CRNN: variants seen among roughly 807,000 people sequenced by gnomAD.
CRNN encodes the protein cornulin.
CRNN carries 39 observed loss-of-function variants against 44.7 expected under a neutral mutation model. The observed-to-expected ratio is 0.87, with a 90% confidence interval of 0.68 to 1.14. The LOEUF is 1.14. Among genes scored for constraint, CRNN ranks in the 50% most tolerant of loss-of-function variants. The pLI is 0.00. For missense variants in CRNN, 606 were observed against 605.1 expected (o/e 1.00, Z -0.02); for synonymous variants, 240 against 231.8 (o/e 1.04, Z -0.32).
chr1:152,412,343 GCT>G, intron 1 of CRNN, 97 bp from the exon 2 acceptor site: 1 of 1,281,614 alleles, frequency 7.8e-7, no homozygotes, highest in Non-Finnish European at 1.1e-6. Context: ...TGCACGTTCA[GCT>G]CTGTTTTTAG....
At chr1:152,411,972 A>T in intron 2 of CRNN, 124 bp downstream of exon 2, 1 of 1,055,508 alleles carries the variant, frequency 9.5e-7, no homozygotes. Context: ...CACAGCTGCC[A>T]TCTGTCCCGG....
At position 152,409,739 on chromosome 1, in the gene CRNN, C is replaced by G. The variant is rs1245566597; in HGVS notation, c.1343G>C (p.Arg448Thr). 2.5e-6 allele frequency: 4 copies of G among 1,614,108 alleles called. No homozygotes were observed. In the African/African-American group the frequency reaches 5.3e-5, roughly 22 times the overall value. The change falls in exon 3 of 3, where the codon AGG becomes ACG. Residue 448 changes from arginine to threonine, a missense_variant. Physicochemically the swap from Arg to Thr is moderately conservative, Grantham distance 71. Transcript: ENST00000271835. ...VGEEWVDDHS[R>T]ETVILRLDQG... ...GTCCAGCCTGAGGATCACTGTCTCC[C>G]TTGAGTGGTCATCAACCCATTCCTC...
chr1:152,413,432 G>C (rs1226992492), intron 1 of CRNN, among the ~76,000 whole-genome samples: 1 of 152,196 alleles, frequency 6.6e-6, no homozygotes, highest in Non-Finnish European at 1.5e-5. Flanking sequence ...GAAAGCCAGA[G>C]AGAGGATGGG....
In CRNN at chr1:152,409,274, G is replaced by T; in HGVS notation, c.*320C>A. 3.1e-6 allele frequency: 1 copy of T among 321,590 alleles called. No homozygotes were observed. The highest frequency in any genetic ancestry group is 5.3e-5 in the South Asian group (1 of 18,962). 19.9% of individuals were successfully genotyped at this position (321,590 alleles called of 1,614,324 possible). A position where few individuals can be genotyped will look rare whatever the true frequency, so the allele number is the denominator to read the frequency against. ...GCTTAAGGTTTTATTGATGCATTAG[G>T]GTAGATGGGGCAATAGAGAGATGTC... On this transcript the variant is annotated 3_prime_UTR_variant, in exon 3 of 3. Transcript: ENST00000271835.
intron 1 of CRNN, among the ~76,000 whole-genome samples, chr1:152,413,371 T>C (rs1655824334): frequency 1.3e-5 from 2 of 152,150 alleles, no homozygotes; most frequent in South Asian, 4.1e-4. Flanking sequence ...GGAGATGGTA[T>C]CAAAGATGAC....
intron 2 of CRNN, 127 bp downstream of exon 2, chr1:152,411,969 G>T: frequency 1.0e-6 from 1 of 1,001,766 alleles, no homozygotes; most frequent in Non-Finnish European, 1.4e-6. Flanking sequence ...CTGCACAGCT[G>T]CCATCTGTCC....
chr1:152,410,610 C>T lies in CRNN; in HGVS notation c.472G>A (p.Ala158Thr), dbSNP rs140948515. Residue 158 changes from alanine to threonine, a missense_variant, in exon 3 of 3, where the codon GCC (alanine) becomes ACC (threonine). By Grantham distance (58) the Ala-to-Thr change is moderately conservative. Coordinates refer to ENST00000271835, the MANE Select transcript of CRNN (RefSeq NM_016190.3). ...CTGCTGACCCACGCAGAGCCAGTGG[C>T]CTGACCCTGGGTCTGAACCCCAGGC... ...NRPGVQTQGQ[A>T]TGSAWVSSYD... 3.2e-5 allele frequency: 51 copies of T among 1,614,016 alleles called. No individual in the cohort carries two copies. Among genetic ancestry groups the T allele is most frequent in the Non-Finnish European group, 3.9e-5 (46 of 1,180,032 alleles).
At chr1:152,413,464 G>A (rs1351872938) in intron 1 of CRNN, among the ~76,000 whole-genome samples, 1 of 152,128 alleles carries the variant, frequency 6.6e-6, no homozygotes, top group Non-Finnish European at 1.5e-5. Context: ...ATAGGTAGGA[G>A]AAGAAAGAGA....
chr1:152,413,621 A>G (rs185972253), intron 1 of CRNN, among the ~76,000 whole-genome samples: 22 of 152,364 alleles, frequency 1.4e-4, no homozygotes, highest in Admixed American at 1.3e-3. Context: ...CTTTTCATCA[A>G]GGTAAAAAAC....
At position 152,409,836 on chromosome 1, in the gene CRNN, C is replaced by T. The variant is rs114727464; in HGVS notation, c.1246G>A (p.Glu416Lys). Reference protein sequence around the residue: ...TGASTESGRQEWSSTHPRRCV... With the variant: ...TGASTESGRQKWSSTHPRRCV... The stretch of plus-strand genomic sequence containing the variant: ...CGCCTTGGGTGAGTGCTGCTCCACT[C>T]CTGCCTTCCTGACTCAGTGCTTGCC... Residue 416 changes from glutamate to lysine, a missense_variant, in exon 3 of 3, where the codon GAG becomes AAG. Physicochemically the swap from Glu to Lys is moderately conservative, Grantham distance 56. Transcript: ENST00000271835. 1.6e-4 allele frequency: 263 copies of T among 1,614,232 alleles called. No individual in the cohort carries two copies. In the African/African-American group the frequency reaches 2.7e-3, roughly 16 times the overall value.
At chr1:152,411,156 T>G (rs1327354009) in intron 2 of CRNN, among the ~76,000 whole-genome samples, 4 of 152,228 alleles carry the variant, frequency 2.6e-5, no homozygotes, top group Non-Finnish European at 1.5e-5. Flanking sequence ...AGCCTCTATT[T>G]GGCACAATTT....
At chr1:152,412,054 C>G in intron 2 of CRNN, 42 bp downstream of exon 2, 1 of 1,557,538 alleles carries the variant, frequency 6.4e-7, no homozygotes, top group Non-Finnish European at 8.7e-7. Flanking sequence ...AGGTTTCACT[C>G]TCCTGCTATG....
In CRNN at chr1:152,410,006, T is replaced by A; in HGVS notation, c.1076A>T (p.Glu359Val). 6.2e-7 allele frequency: 1 copy of A among 1,614,102 alleles called. No homozygotes were observed. The highest frequency in any genetic ancestry group is 1.1e-5 in the South Asian group (1 of 91,070). Reference protein sequence around the residue: ...IQAGSHTETVEQDRSQTVSHG... With the variant: ...IQAGSHTETVVQDRSQTVSHG... ...GCTTACAGTTTGGCTTCTGTCCTGC[T>A]CCACAGTCTCGGTGTGTGACCCTGC... Residue 359 changes from glutamate (E) to valine (V), a missense_variant, in exon 3 of 3, where the codon GAG (glutamate) becomes GTG (valine). By Grantham distance (121) the Glu-to-Val change is moderately radical (BLOSUM62 -2). Coordinates refer to ENST00000271835, the MANE Select transcript of CRNN (RefSeq NM_016190.3).
Position 152,410,865 on chromosome 1 carries a change from C to G in CRNN, c.217G>C (p.Glu73Gln). 6.2e-7 allele frequency: 1 copy of G among 1,614,218 alleles called. No homozygotes were observed. Among genetic ancestry groups the G allele is most frequent in the Non-Finnish European group, 8.5e-7 (1 of 1,180,038 alleles). The change falls in exon 3 of 3, where the codon GAA (glutamate) becomes CAA (glutamine). Residue 73 changes from glutamate (E) to glutamine (Q), a missense_variant. By Grantham distance (29) the Glu-to-Gln change is conservative (BLOSUM62 2). Coordinates refer to ENST00000271835, the MANE Select transcript of CRNN (RefSeq NM_016190.3). ...ACTTTAAACACTAAGACCAGGAATT[C>G]CTTGAATTCCACAGTCCCTGTGTGG... ...EDHTGTVEFK[E>Q]FLVLVFKVAQ...
Position 152,410,685 on chromosome 1 carries a change from C to T in CRNN, c.397G>A (p.Glu133Lys). 1 of 1,614,062 alleles carries T rather than the reference C, an allele frequency of 6.2e-7. No homozygotes were observed. Among genetic ancestry groups the T allele is most frequent in the Middle Eastern group, 1.6e-4 (1 of 6,062 alleles). ...TGGCTCTGTCTGTGGCTGCTCCCCT[C>T]ATAATGCTGCCCTTTCCCCGCCCTT... ...VGRAGKGQHY[E>K]GSSHRQSQQG... The change falls in exon 3 of 3, where the codon GAG becomes AAG. Residue 133 changes from glutamate to lysine, a missense_variant. Coordinates refer to ENST00000271835, the MANE Select transcript of CRNN (RefSeq NM_016190.3).
At position 152,410,097 on chromosome 1, in the gene CRNN, C is replaced by T; in HGVS notation, c.985G>A (p.Glu329Lys). The change falls in exon 3 of 3, where the codon GAG becomes AAG. Residue 329 changes from glutamate to lysine, a missense_variant. Glu to Lys is a moderately conservative substitution (Grantham distance 56, BLOSUM62 1). Transcript: ENST00000271835. ...TGGCTCCTGCCTTGACCGTGGATCT[C>T]AGTCCCTCTGTTCTGGCCATTGGTG... ...ESTNGQNRGT[E>K]IHGQGRSQTS... 6.2e-7 allele frequency: 1 copy of T among 1,613,924 alleles called. No homozygotes were observed. The highest frequency in any genetic ancestry group is 8.5e-7 in the Non-Finnish European group (1 of 1,179,962).
At position 152,409,304 on chromosome 1, in the gene CRNN, A is replaced by G; in HGVS notation, c.*290T>C. On this transcript the variant is annotated 3_prime_UTR_variant, in exon 3 of 3. Coordinates refer to ENST00000271835, the MANE Select transcript of CRNN (RefSeq NM_016190.3). ...ATGGGGCAATAGAGAGATGTCAGAG[A>G]TAAAAATAGTCCTGAAACCCCCCAC... The G allele has an allele frequency of 2.5e-6, 1 of 407,032 alleles. No homozygotes were observed. The highest frequency in any genetic ancestry group is 4.0e-5 in the South Asian group (1 of 25,058). The allele number at this position is 407,032 out of a possible 1,614,324, so 25.2% of individuals were successfully genotyped here.
Position 152,410,161 on chromosome 1 carries a change from G to A in CRNN, c.921C>T (p.Ser307=). The A allele has an allele frequency of 6.2e-7, 1 of 1,613,352 alleles. No individual in the cohort carries two copies. The highest frequency in any genetic ancestry group is 8.5e-7 in the Non-Finnish European group (1 of 1,179,870). ...GGGTGCTGGTGCTTCCTGTCTGGTG[G>A]CTGCTGTCCTGCTCCACGGTCTGGG... is the stretch of plus-strand genomic sequence containing the variant. ...TPTQTVEQDS[S]HQTGSTSTQT... is the part of the protein sequence containing the mutation. The change falls in exon 3 of 3, where the codon AGC becomes AGT. Residue 307 remains serine (S), a synonymous_variant. Transcript: ENST00000271835.
rs1409063275 is a variant in CRNN, at chr1:152,409,697, G to C, written c.1385C>G (p.Thr462Ser). 6.2e-7 allele frequency: 1 copy of C among 1,614,194 alleles called. No individual in the cohort carries two copies. Among genetic ancestry groups the C allele is most frequent in the South Asian group, 1.1e-5 (1 of 91,082 alleles). ...ILRLDQGNLH[T>S]SVSSAQGQDA... ...CTGGCCCTGTGCTGAGGAAACACTG[G>C]TATGCAAGTTGCCCTGGTCCAGCCT... The change falls in exon 3 of 3, where the codon ACC becomes AGC. Residue 462 changes from threonine to serine, a missense_variant. Thr to Ser is a moderately conservative substitution (Grantham distance 58). Coordinates refer to ENST00000271835, the MANE Select transcript of CRNN (RefSeq NM_016190.3).
Sources: gnomAD v4.1 joint callset for allele counts (sites outside exome capture counted in the v4.1 genomes callset) on GRCh38, gnomAD v4.1.1 for gene constraint, MANE v1.5 for transcripts, NCBI Gene and HGNC (gene_info 2026-07-23, HGNC 2026-07-21) for gene names.